TEX11: variants seen among roughly 807,000 people sequenced by gnomAD.
The protein encoded by TEX11 is testis expressed 11.
In TEX11, 7 loss-of-function variants were observed where a neutral mutation model predicts 84.4. That is an observed-to-expected ratio of 0.08 (90% CI 0.05 to 0.16). TEX11 has a LOEUF of 0.16. TEX11 is among the 10% of genes least tolerant of loss of function. TEX11 has a pLI of 1.00. For missense variants in TEX11, 551 were observed against 660.5 expected, an observed-to-expected ratio of 0.83 and a Z score of 1.82; for synonymous variants, 264 against 222.8, an observed-to-expected ratio of 1.18 and a Z score of -1.64.
intron 16 of TEX11, among the ~76,000 whole-genome samples, chrX:70,664,570 C>G (rs2089960563): frequency 9.0e-6 from 1 of 111,152 alleles, no homozygotes; most frequent in South Asian, 3.8e-4. Flanking sequence ...GATTGAACAG[C>G]CTTTTATTAT....
At position 70,623,928 on chromosome X, in the gene TEX11, C is replaced by T. The variant is rs769049880; in HGVS notation, c.1751+22G>A. ...ATAATTTGTCTAATGGGGAATACAT[C>T]ATTTTTGTTGAAATAACTCACTTAT... is the stretch of plus-strand genomic sequence containing the variant. On this transcript the variant is annotated intron_variant, in intron 20 of 29. Coordinates refer to ENST00000374333, the MANE Select transcript of TEX11 (RefSeq NM_031276.3). The T allele has an allele frequency of 1.7e-5, 20 of 1,176,541 alleles. No individual in the cohort carries two copies. The East Asian group carries it at 4.8e-4, about 28-fold the overall frequency.
intron 5 of TEX11, among the ~76,000 whole-genome samples, chrX:70,858,763 C>T (rs758884877): frequency 1.7e-4 from 19 of 111,729 alleles, no homozygotes; most frequent in African/African-American, 2.6e-4. Flanking sequence ...GTTGGCCAGG[C>T]GCGGTGGCTC....
chrX:70,652,765 C>G (rs892233955), intron 16 of TEX11, among the ~76,000 whole-genome samples: 1 of 111,384 alleles, frequency 9.0e-6, no homozygotes, highest in African/African-American at 3.3e-5. Flanking sequence ...AGATTAGAAA[C>G]AGGTGAAGAG....
chrX:70,643,904 A>G (rs1408276360), intron 17 of TEX11, among the ~76,000 whole-genome samples: 2 of 108,053 alleles, frequency 1.9e-5, no homozygotes, highest in African/African-American at 6.7e-5. Context: ...TGGCAACAAA[A>G]GACAAAATTG....
chrX:70,792,347 TATATATATATACACAC>T (rs2091128600), intron 9 of TEX11, among the ~76,000 whole-genome samples: 1 of 12,480 alleles, frequency 8.0e-5, no homozygotes, highest in Non-Finnish European at 1.1e-4. Context: ...TATATATATA[TATATATATATACACAC>T]ACAAATATAT....
intron 9 of TEX11, among the ~76,000 whole-genome samples, chrX:70,775,466 C>T (rs2090995488): frequency 9.1e-6 from 1 of 110,409 alleles, no homozygotes; most frequent in African/African-American, 3.3e-5. Flanking sequence ...CTGGAATATA[C>T]AACATATTCA....
chrX:70,687,397 G>A (rs1231209979), intron 13 of TEX11, among the ~76,000 whole-genome samples: 1 of 109,785 alleles, frequency 9.1e-6, no homozygotes, highest in Non-Finnish European at 1.9e-5. Context: ...ATACATTATT[G>A]ATTTTAAGTG....
intron 7 of TEX11, among the ~76,000 whole-genome samples, chrX:70,835,777 G>GTCC (rs1210261483): frequency 8.9e-6 from 1 of 111,835 alleles, no homozygotes; most frequent in Non-Finnish European, 1.9e-5. Context: ...TTCATAAACT[G>GTCC]TAAGTCAGTA....
At chrX:70,605,041 G>A (rs1192341988) in intron 24 of TEX11, among the ~76,000 whole-genome samples, 2 of 111,816 alleles carry the variant, frequency 1.8e-5, no homozygotes, top group African/African-American at 3.2e-5. Context: ...TCAAAGCTAT[G>A]GAAACAGATG....
chrX:70,902,836 C>T (rs1283430767), intron 2 of TEX11, among the ~76,000 whole-genome samples: 2 of 112,342 alleles, frequency 1.8e-5, no homozygotes, highest in African/African-American at 3.2e-5. Context: ...AACTTTTTAA[C>T]GCTTTTGTAG....
At chrX:70,567,659 T>G (rs1373662443) in intron 25 of TEX11, among the ~76,000 whole-genome samples, 1 of 111,864 alleles carries the variant, frequency 8.9e-6, no homozygotes, top group Non-Finnish European at 1.9e-5. Flanking sequence ...CGTTTTGTTA[T>G]GTACCCAGTA....
At chrX:70,661,267 C>A (rs1180988390) in intron 16 of TEX11, among the ~76,000 whole-genome samples, 1 of 112,437 alleles carries the variant, frequency 8.9e-6, no homozygotes, top group Non-Finnish European at 1.9e-5. Context: ...CCCACAGAGC[C>A]TCGCTCATTG....
chrX:70,519,930 G>A, the TEX11 span, among the ~76,000 whole-genome samples: 13 of 111,542 alleles, frequency 1.2e-4, no homozygotes, highest in Non-Finnish European at 1.9e-4. Flanking sequence ...TTGTGCATGC[G>A]TCACGTAGTT....
intron 8 of TEX11, among the ~76,000 whole-genome samples, chrX:70,807,421 A>G: frequency 8.9e-6 from 1 of 112,137 alleles, no homozygotes; most frequent in East Asian, 2.8e-4. Context: ...GAACAAGTAT[A>G]TGAATGTTGC....
intron 2 of TEX11, among the ~76,000 whole-genome samples, chrX:70,885,755 G>A (rs758240569): frequency 9.2e-6 from 1 of 109,245 alleles, no homozygotes; most frequent in African/African-American, 3.3e-5. Context: ...AGCTGGGCAC[G>A]GTGGCACCAC....
chrX:70,739,039 A>G (rs1008238586), intron 11 of TEX11, among the ~76,000 whole-genome samples: 3 of 111,543 alleles, frequency 2.7e-5, no homozygotes, highest in Admixed American at 9.5e-5. Flanking sequence ...TGATAGGTGC[A>G]GCAAACCACC....
intron 15 of TEX11, 95 bp from the exon 16 acceptor site, chrX:70,670,609 TC>T (rs2090013967): frequency 1.0e-6 from 1 of 999,245 alleles, no homozygotes; most frequent in African/African-American, 1.9e-5. Flanking sequence ...GCTGTTGGTT[TC>T]TTTTTTAGGC....
chrX:70,518,466 G>A, the TEX11 span, among the ~76,000 whole-genome samples: 1 of 112,256 alleles, frequency 8.9e-6, no homozygotes, highest in Admixed American at 9.5e-5. Context: ...GTTCTAATTT[G>A]ATTGCACTGT....
intron 18 of TEX11, 135 bp downstream of exon 18, chrX:70,629,476 C>A: frequency 1.4e-6 from 1 of 706,273 alleles, no homozygotes; most frequent in Admixed American, 3.3e-5. Flanking sequence ...AGTTCTGCAA[C>A]CAAGTTTGGC....
Sources: gnomAD v4.1 joint callset for allele counts (sites outside exome capture counted in the v4.1 genomes callset) on GRCh38, gnomAD v4.1.1 for gene constraint, MANE v1.5 for transcripts, NCBI Gene and HGNC (gene_info 2026-07-23, HGNC 2026-07-21) for gene names.